SLC9A5: variants seen among roughly 807,000 people sequenced by gnomAD.
SLC9A5 encodes solute carrier family 9 member A5.
SLC9A5 carries 52 observed loss-of-function variants against 91.7 expected under a neutral mutation model. The observed-to-expected ratio is 0.57, with a 90% confidence interval of 0.45 to 0.71. The LOEUF is 0.71. Ranked by LOEUF, SLC9A5 falls within the 30% of genes least tolerant of loss-of-function variation. SLC9A5 has a pLI of 0.00. For missense variants in SLC9A5, 871 were observed against 1,158.9 expected (o/e 0.75, Z 3.61); for synonymous variants, 419 against 474.5 (o/e 0.88, Z 1.52).
chr16:67,258,174 G>GACTAGC lies in SLC9A5; in HGVS notation c.1497-143_1497-138dup, dbSNP rs2142356861. On this transcript the variant is annotated intron_variant, in intron 9 of 15. Transcript: ENST00000299798. The surrounding 1 kb of genome is among the most constrained non-coding windows in gnomAD (Gnocchi z 4.5). ...ACATTGTAAATTCCATGAGGGCAGG[G>GACTAGC]ACTAGCCTTGAGATTCTCTCTGGCT... 1.4e-6 allele frequency: 1 copy of GACTAGC among 722,416 alleles called. No homozygotes were observed. The highest frequency in any genetic ancestry group is 2.7e-5 in the East Asian group (1 of 37,562). The allele number at this position is 722,416 out of a possible 1,614,324, so 44.8% of individuals were successfully genotyped here. A position where few individuals can be genotyped will look rare whatever the true frequency, so the allele number is the denominator to read the frequency against.
intron 13 of SLC9A5, among the ~76,000 whole-genome samples, 193 bp downstream of exon 13, chr16:67,264,715 G>A (rs181106632): frequency 3.9e-4 from 60 of 152,310 alleles, no homozygotes; most frequent in Non-Finnish European, 7.4e-4. Context: ...GACCTTCAGA[G>A]GGGGAGCAGC....
rs957751443 is a variant in SLC9A5, at chr16:67,264,637, G to T, written c.2013+115G>T. The T allele has an allele frequency of 2.9e-6, 3 of 1,024,388 alleles. No individual in the cohort carries two copies. The African/African-American group carries it at 4.8e-5, about 16-fold the overall frequency. The allele number at this position is 1,024,388 out of a possible 1,614,324, so 63.5% of individuals were successfully genotyped here. A position where few individuals can be genotyped will look rare whatever the true frequency, so the allele number is the denominator to read the frequency against. On this transcript the variant is annotated intron_variant, in intron 13 of 15. Transcript: ENST00000299798. ...GAACCCCAGTTGGGACAGTCCTCAG[G>T]GGCTTGATGACTACAGCAGTTTGGG...
In SLC9A5 at chr16:67,258,344, T is replaced by C; in HGVS notation, c.1523T>C (p.Leu508Pro). The change falls in exon 10 of 16, where the codon CTG (leucine) becomes CCG (proline). Residue 508 changes from leucine to proline, a missense_variant. Leu to Pro is a moderately conservative substitution (Grantham distance 98). Coordinates refer to ENST00000299798, the MANE Select transcript of SLC9A5 (RefSeq NM_004594.3). This position sits in a 1 kb window ranked among gnomAD's most constrained non-coding sequence, Gnocchi z 4.5. Reference sequence around the variant, plus strand: ...TGGGAGCAGTTTGACAAGAAATACCTGAGTCAGCTGCTGATGCGACGATCA... The same window carrying C: ...TGGGAGCAGTTTGACAAGAAATACCCGAGTCAGCTGCTGATGCGACGATCA... ...DRWEQFDKKY[L>P]SQLLMRRSAY... 3.7e-6 allele frequency: 6 copies of C among 1,614,060 alleles called. No homozygotes were observed. The highest frequency in any genetic ancestry group is 5.1e-6 in the Non-Finnish European group (6 of 1,180,016).
chr16:67,255,686 C>T lies in SLC9A5; in HGVS notation c.734-67C>T. On this transcript the variant is annotated intron_variant, in intron 4 of 15. Transcript: ENST00000299798. The surrounding 1 kb of genome is among the most constrained non-coding windows in gnomAD (Gnocchi z 4.9). Reference sequence around the variant, plus strand: ...GCATCATCCCTCACTCCCTGCCAGGCAGCAGTCTTGTCAGCCCGGGTAGGG... The same window carrying T: ...GCATCATCCCTCACTCCCTGCCAGGTAGCAGTCTTGTCAGCCCGGGTAGGG... 6.7e-7 allele frequency: 1 copy of T among 1,488,558 alleles called. No individual in the cohort carries two copies. The highest frequency in any genetic ancestry group is 9.1e-7 in the Non-Finnish European group (1 of 1,102,102). 92.2% of individuals were successfully genotyped at this position (1,488,558 alleles called of 1,614,324 possible).
rs1054813409 is a variant in SLC9A5 at position 67,258,405 on chromosome 16, C to T, written c.1584C>T (p.Tyr528=). 1.8e-5 allele frequency: 29 copies of T among 1,614,086 alleles called. No individual in the cohort carries two copies. The highest frequency in any genetic ancestry group is 2.4e-5 in the Non-Finnish European group (28 of 1,180,014). Residue 528 remains tyrosine, a synonymous_variant, in exon 10 of 16, where the codon TAC becomes TAT. Transcript: ENST00000299798. The surrounding 1 kb of genome is among the most constrained non-coding windows in gnomAD (Gnocchi z 4.5). ...YRIRDQIWDV[Y]YRLNIRDAIS... The stretch of plus-strand genomic sequence containing the variant: ...TCCGGGACCAGATCTGGGATGTGTA[C>T]TACAGGCTTAACATCCGGGATGCCA...
chr16:67,265,754 AT>A (rs1446082933), intron 14 of SLC9A5, among the ~76,000 whole-genome samples: 2 of 152,154 alleles, frequency 1.3e-5, no homozygotes, highest in Non-Finnish European at 2.9e-5. Context: ...CTGAATGTTA[AT>A]GGGCCTTCCA....
intron 13 of SLC9A5, 45 bp from the exon 14 acceptor site, chr16:67,264,995 G>T (rs773486084): frequency 1.6e-5 from 25 of 1,602,040 alleles, no homozygotes; most frequent in Non-Finnish European, 2.1e-5. Context: ...GGGTTGGGGT[G>T]GGAAGCCGGG....
At chr16:67,249,655 G>A (rs2035036887) in intron 1 of SLC9A5, among the ~76,000 whole-genome samples, 1 of 152,134 alleles carries the variant, frequency 6.6e-6, no homozygotes, top group Non-Finnish European at 1.5e-5. Flanking sequence ...GACCATGTCC[G>A]AGTGTCCATT....
chr16:67,256,951 A>C lies in SLC9A5; in HGVS notation c.1173A>C (p.Leu391=). 1 of 1,614,176 alleles carries C rather than the reference A, an allele frequency of 6.2e-7. No homozygotes were observed. Among genetic ancestry groups the C allele is most frequent in the Non-Finnish European group, 8.5e-7 (1 of 1,180,038 alleles). ...CCTGGGTGCTGAATCAGTTCCGGCTAGTCCCTCTGGACAAGATTGACCAAG... is the reference window on the plus strand; with the variant it reads ...CCTGGGTGCTGAATCAGTTCCGGCTCGTCCCTCTGGACAAGATTGACCAAG... ...LQTWVLNQFR[L]VPLDKIDQVV... is the part of the protein sequence containing the mutation. The change falls in exon 7 of 16, where the codon CTA becomes CTC. Residue 391 remains leucine (L), a synonymous_variant. Transcript: ENST00000299798. The surrounding 1 kb of genome is among the most constrained non-coding windows in gnomAD (Gnocchi z 4.1).
rs2035387836 is a variant in SLC9A5 at position 67,258,166 on chromosome 16, A to ATT, written c.1497-152_1497-151insTT. On this transcript the variant is annotated intron_variant, in intron 9 of 15. Coordinates refer to ENST00000299798, the MANE Select transcript of SLC9A5 (RefSeq NM_004594.3). The surrounding 1 kb of genome is among the most constrained non-coding windows in gnomAD (Gnocchi z 4.5). ...TTCCCATGACATTGTAAATTCCATG[A>ATT]GGGCAGGGACTAGCCTTGAGATTCT... 1 of 676,378 alleles carries ATT rather than the reference A, an allele frequency of 1.5e-6. No individual in the cohort carries two copies. Among genetic ancestry groups the ATT allele is most frequent in the African/African-American group, 1.8e-5 (1 of 55,644 alleles). The allele number at this position is 676,378 out of a possible 1,614,324, so 41.9% of individuals were successfully genotyped here. A position where few individuals can be genotyped will look rare whatever the true frequency, so the allele number is the denominator to read the frequency against.
At chr16:67,269,374 GTGAGC>G (rs1369687088) in intron 15 of SLC9A5, among the ~76,000 whole-genome samples, 1 of 152,114 alleles carries the variant, frequency 6.6e-6, no homozygotes, top group East Asian at 1.9e-4. Context: ...GGAGACTGCA[GTGAGC>G]TGAGATCGTG....
At position 67,249,078 on chromosome 16, in the gene SLC9A5, C is replaced by T; in HGVS notation, c.64C>T (p.Gln22Ter). 2 of 1,530,318 alleles carry T rather than the reference C, an allele frequency of 1.3e-6. No homozygotes were observed. The highest frequency in any genetic ancestry group is 1.7e-6 in the Non-Finnish European group (2 of 1,145,446). 94.8% of individuals were successfully genotyped at this position (1,530,318 alleles called of 1,614,324 possible). A position where few individuals can be genotyped will look rare whatever the true frequency, so the allele number is the denominator to read the frequency against. ...GGCGGGGGCGGCCGAAGAGCCCACC[C>T]AGAAGCCAGAGTCCCCGGGCGAGCC... ...PLAGAAEEPT[Q>*]KPESPGEPPP... The change falls in exon 1 of 16, where the codon CAG becomes TAG. Residue 22 changes from glutamine to a stop codon, truncating the protein, a stop_gained. Coordinates refer to ENST00000299798, the MANE Select transcript of SLC9A5 (RefSeq NM_004594.3). LOFTEE classifies it high-confidence loss of function.
intron 14 of SLC9A5, among the ~76,000 whole-genome samples, chr16:67,265,400 C>T (rs1324719697): frequency 6.6e-6 from 1 of 151,998 alleles, no homozygotes; most frequent in Admixed American, 6.6e-5. Flanking sequence ...ACTCTGGGGC[C>T]CAGTGTCCTG....
Position 67,257,120 on chromosome 16 carries a change from G to T in SLC9A5, c.1335+7G>T. ...CTTCACAGTCATCGTGCAGGTGGGAGTGCCCACAAGGCTGGGTAGGGAGAG... is the reference window on the plus strand; with the variant it reads ...CTTCACAGTCATCGTGCAGGTGGGATTGCCCACAAGGCTGGGTAGGGAGAG... On this transcript the variant is annotated splice_region_variant and intron_variant, in intron 7 of 15. Coordinates refer to ENST00000299798, the MANE Select transcript of SLC9A5 (RefSeq NM_004594.3). This position sits in a 1 kb window ranked among gnomAD's most constrained non-coding sequence, Gnocchi z 5.1. 1.9e-6 allele frequency: 3 copies of T among 1,605,546 alleles called. No homozygotes were observed. The highest frequency in any genetic ancestry group is 2.5e-6 in the Non-Finnish European group (3 of 1,178,070).
intron 13 of SLC9A5, among the ~76,000 whole-genome samples, 167 bp downstream of exon 13, chr16:67,264,689 C>T (rs2035642172): frequency 6.6e-6 from 1 of 152,138 alleles, no homozygotes; most frequent in Admixed American, 6.5e-5. Context: ...CCTGGAGTCC[C>T]AGAAGGGTAA....
chr16:67,261,773 G>C (rs2035538306), intron 12 of SLC9A5: 2 of 152,212 alleles, frequency 1.3e-5, no homozygotes, highest in African/African-American at 4.8e-5. Flanking sequence ...AGATTTTGCT[G>C]ACTGTATTCC....
In SLC9A5 at chr16:67,257,283, AG is replaced by A. The variant is rs1374528003; in HGVS notation, c.1336-61del. 24 of 1,473,880 alleles carry A rather than the reference AG, an allele frequency of 1.6e-5. No homozygotes were observed. In the East Asian group the frequency reaches 5.4e-4, roughly 33 times the overall value. The allele number at this position is 1,473,880 out of a possible 1,614,324, so 91.3% of individuals were successfully genotyped here. A position where few individuals can be genotyped will look rare whatever the true frequency, so the allele number is the denominator to read the frequency against. ...CTGAAGCTGAAGCCTCATTACGGGG[AG>A]AGAAAGGCAGCAGGGAACTGAATAG... On this transcript the variant is annotated intron_variant, in intron 7 of 15. Coordinates refer to ENST00000299798, the MANE Select transcript of SLC9A5 (RefSeq NM_004594.3). The surrounding 1 kb of genome is among the most constrained non-coding windows in gnomAD (Gnocchi z 5.1).
In SLC9A5 at chr16:67,259,556, G is replaced by T. The variant is rs763723261; in HGVS notation, c.1627-17G>T. 6 of 1,606,656 alleles carry T rather than the reference G, an allele frequency of 3.7e-6. No homozygotes were observed. In the Admixed American group the frequency reaches 1.0e-4, roughly 27 times the overall value. On this transcript the variant is annotated splice_polypyrimidine_tract_variant and intron_variant, in intron 10 of 15. Transcript: ENST00000299798. ...CTCCATCTGATTGCTGGCTGACCTTGGTCTTGACACCTGCAGGGAGGCCAC... is the reference window on the plus strand; with the variant it reads ...CTCCATCTGATTGCTGGCTGACCTTTGTCTTGACACCTGCAGGGAGGCCAC...
Position 67,256,332 on chromosome 16 carries a change from A to T in SLC9A5, c.912-137A>T, listed in dbSNP as rs2035316432. The T allele has an allele frequency of 3.0e-6, 2 of 656,268 alleles. No homozygotes were observed. The highest frequency in any genetic ancestry group is 3.6e-5 in the African/African-American group (2 of 55,662). 40.7% of individuals were successfully genotyped at this position (656,268 alleles called of 1,614,324 possible). ...GCCCAGCACTACCATTCAAGTCTTC[A>T]GGCCTCCCTGGGCTTCAGCTCTGAG... On this transcript the variant is annotated intron_variant, in intron 5 of 15. Coordinates refer to ENST00000299798, the MANE Select transcript of SLC9A5 (RefSeq NM_004594.3). This position sits in a 1 kb window ranked among gnomAD's most constrained non-coding sequence, Gnocchi z 4.1.
Sources: gnomAD v4.1 joint callset for allele counts (sites outside exome capture counted in the v4.1 genomes callset) on GRCh38, gnomAD v4.1.1 for gene constraint, Gnocchi (gnomAD v3.1) non-coding constraint, MANE v1.5 for transcripts, NCBI Gene and HGNC (gene_info 2026-07-23, HGNC 2026-07-21) for gene names.